Variants in TPM3 observed in about 807,000 individuals in gnomAD.
TPM3 encodes tropomyosin alpha-3 chain.
A neutral mutation model predicts 43.1 loss-of-function variants in TPM3; 16 were observed. The ratio of observed to expected loss-of-function variants is 0.37; its 90% CI spans 0.25 to 0.56. The LOEUF is 0.56. Among genes scored for constraint, TPM3 ranks in the 20% least tolerant of loss-of-function variants. The pLI is 0.77. For missense variants in TPM3, 176 were observed against 337.2 expected, an observed-to-expected ratio of 0.52 and a Z score of 3.74; for synonymous variants, 101 against 116.9, an observed-to-expected ratio of 0.86 and a Z score of 0.88.
At chr1:154,159,765 T>G (rs1195137918), downstream of TPM3, among the ~76,000 whole-genome samples, 3 of 152,086 alleles carry the variant, frequency 2.0e-5, no homozygotes, top group African/African-American at 7.2e-5. Context: ...TTTTAACCAA[T>G]GAGATGTAGA....
At chr1:154,170,627 C>T in intron 7 of TPM3, 22 bp downstream of exon 7, 1 of 1,611,132 alleles carries the variant, frequency 6.2e-7, no homozygotes. Flanking sequence ...TGGGTTCTGC[C>T]CTATAAATCC....
At chr1:154,160,821 T>C (rs1660273293), downstream of TPM3, among the ~76,000 whole-genome samples, 1 of 152,164 alleles carries the variant, frequency 6.6e-6, no homozygotes. Context: ...CTGAAACTTT[T>C]TGAATGCCAA....
Position 154,178,061 on chromosome 1 carries a change from C to G in TPM3, c.244-1813G>C, listed in dbSNP as rs540264988. The G allele has an allele frequency of 8.3e-6, 7 of 840,162 alleles. No homozygotes were observed. In the South Asian group the frequency reaches 3.8e-4, roughly 46 times the overall value. The allele number at this position is 840,162 out of a possible 1,614,324, so 52.0% of individuals were successfully genotyped here. The stretch of plus-strand genomic sequence containing the variant: ...ACCCAACAAGGCCATGGATCAAGAG[C>G]AAGTCAGGCTATCAGGCAAGACCTA... On this transcript the variant is annotated intron_variant, in intron 2 of 9. Transcript: ENST00000651641.
chr1:154,165,176 G>GT lies in TPM3; in HGVS notation c.*2760dup, dbSNP rs1660802954. On this transcript the variant is annotated 3_prime_UTR_variant, in exon 10 of 10. Transcript: ENST00000651641. ...GCGGGTGGATCACTTGAGGTCAGGA[G>GT]TTCGCGACCAGCCTGGCCAACATGC... 6.6e-6 allele frequency among the ~76,000 whole-genome samples: 1 copy of GT among 152,048 alleles called. No individual in the cohort carries two copies. Among genetic ancestry groups the GT allele is most frequent in the Admixed American group, 6.6e-5 (1 of 15,262 alleles).
rs58289686 is a variant in TPM3, at chr1:154,162,364, CAA to C, written c.*5571_*5572del. 0.18 allele frequency among the ~76,000 whole-genome samples: 13,071 copies of C among 74,522 alleles called. 581 individuals are homozygous for C. The highest frequency in any genetic ancestry group is 0.35 in the East Asian group (1,084 of 3,108). The allele number at this position is 74,522 out of a possible 152,430, so 48.9% of individuals were successfully genotyped here. A position where few individuals can be genotyped will look rare whatever the true frequency, so the allele number is the denominator to read the frequency against. ...TGGGCAACAGAGCAAGACTCCGTCT[CAA>C]AAAAAAAAAAAAAAAAAAACACAAA... On this transcript the variant is annotated 3_prime_UTR_variant, in exon 10 of 10. Coordinates refer to ENST00000651641, the MANE Select transcript of TPM3 (RefSeq NM_152263.4).
chr1:154,169,932 A>T (rs190705342), intron 8 of TPM3: 65 of 245,188 alleles, frequency 2.7e-4, no homozygotes, highest in Non-Finnish European at 4.3e-4. Context: ...GACAGAAAGT[A>T]TTTAGAAAGC....
chr1:154,185,334 C>T (rs1362755981), intron 2 of TPM3, among the ~76,000 whole-genome samples: 1 of 148,026 alleles, frequency 6.8e-6, no homozygotes, highest in Non-Finnish European at 1.5e-5. Flanking sequence ...GATGGTGCCA[C>T]TCTACTCCAG....
At chr1:154,170,860 T>C (rs992050961) in intron 6 of TPM3, 149 bp from the exon 7 acceptor site, 6 of 664,158 alleles carry the variant, frequency 9.0e-6, no homozygotes, top group African/African-American at 1.8e-5. Context: ...CTCTGGACAA[T>C]AGGTCCTTGA....
rs535866811 is a variant in TPM3 at position 154,163,502 on chromosome 1, T to G, written c.*4435A>C. The stretch of plus-strand genomic sequence containing the variant: ...AATGCATGTCCCATTTTCAGTTATC[T>G]TCCTTCTTAGCCTCTCTGTTGAAAA... On this transcript the variant is annotated 3_prime_UTR_variant, in exon 10 of 10. Transcript: ENST00000651641. Among the ~76,000 whole-genome samples, 65 of 152,344 alleles carry G rather than the reference T, an allele frequency of 4.3e-4. No individual in the cohort carries two copies. The highest frequency in any genetic ancestry group is 1.5e-3 in the African/African-American group (62 of 41,578).
chr1:154,176,805 C>CCT (rs1266301529), intron 2 of TPM3, among the ~76,000 whole-genome samples: 4 of 151,798 alleles, frequency 2.6e-5, no homozygotes, highest in African/African-American at 9.7e-5. Context: ...TGGTGAAACC[C>CCT]TGACTCTAAT....
downstream of TPM3, chr1:154,159,101 G>A (rs1021272011): frequency 1.9e-5 from 15 of 776,948 alleles, no homozygotes; most frequent in Middle Eastern, 9.0e-4. Context: ...GGAAAAAGAG[G>A]AGGAGAAAGA....
downstream of TPM3, among the ~76,000 whole-genome samples, chr1:154,161,056 G>A (rs1660302122): frequency 6.8e-6 from 1 of 148,030 alleles, no homozygotes; most frequent in African/African-American, 2.5e-5. Context: ...AACTATAGGT[G>A]TGCATCACCA....
rs897895046 is a variant in TPM3 at position 154,183,326 on chromosome 1, G to T, written c.244-7078C>A. ...GGAGGGAGAGCCGCGGCAGGGAGTG[G>T]ATCCTCCCAGTCGCCCTGGAGTACG... On this transcript the variant is annotated intron_variant, in intron 2 of 9. Transcript: ENST00000651641. 18 of 1,462,830 alleles carry T rather than the reference G, an allele frequency of 1.2e-5. No homozygotes were observed. The East Asian group carries it at 4.0e-4, about 33-fold the overall frequency. The allele number at this position is 1,462,830 out of a possible 1,614,324, so 90.6% of individuals were successfully genotyped here.
chr1:154,178,508 T>C (rs1239423769), intron 2 of TPM3, among the ~76,000 whole-genome samples: 1 of 152,170 alleles, frequency 6.6e-6, no homozygotes, highest in Non-Finnish European at 1.5e-5. Flanking sequence ...CTCTTTACAA[T>C]GAAACAAAAG....
chr1:154,179,634 A>G (rs974658118), intron 2 of TPM3, among the ~76,000 whole-genome samples: 2 of 152,076 alleles, frequency 1.3e-5, no homozygotes, highest in Non-Finnish European at 2.9e-5. Context: ...GCTGGAGTAC[A>G]GTGGCATGAT....
intron 5 of TPM3, 23 bp from the exon 6 acceptor site, chr1:154,171,511 A>G: frequency 6.2e-7 from 1 of 1,612,570 alleles, no homozygotes; most frequent in Non-Finnish European, 8.5e-7. Flanking sequence ...TAAATACCAC[A>G]GGAGAGGAAA....
intron 2 of TPM3, among the ~76,000 whole-genome samples, chr1:154,186,520 T>C (rs1043301930): frequency 4.0e-5 from 6 of 151,500 alleles, no homozygotes; most frequent in Admixed American, 6.6e-5. Context: ...CAGGTGTATA[T>C]GTCCATCGTT....
intron 5 of TPM3, chr1:154,171,880 A>G: frequency 2.3e-6 from 2 of 874,056 alleles, no homozygotes; most frequent in Non-Finnish European, 3.8e-6. Context: ...GAAAGATGCC[A>G]AGTAAGTGGA....
downstream of TPM3, chr1:154,156,825 A>T (rs1213119115): frequency 2.0e-5 from 4 of 197,542 alleles, no homozygotes; most frequent in Non-Finnish European, 4.2e-5. Flanking sequence ...TCAGTGGCAA[A>T]AACACAGTCT....
Sources: gnomAD v4.1 joint callset for allele counts (sites outside exome capture counted in the v4.1 genomes callset) on GRCh38, gnomAD v4.1.1 for gene constraint, MANE v1.5 for transcripts, NCBI Gene and HGNC (gene_info 2026-07-23, HGNC 2026-07-21) for gene names.